Variants in RFX4 observed in about 807,000 individuals in gnomAD.
The protein encoded by RFX4 is transcription factor RFX4.
In RFX4, 10 loss-of-function variants were observed where a neutral mutation model predicts 95.0. The observed-to-expected ratio is 0.11, with a 90% confidence interval of 0.06 to 0.18. The LOEUF (loss-of-function observed/expected upper bound fraction) is 0.18, where lower values mean the gene tolerates loss of function less well. RFX4 is among the 10% of genes least tolerant of loss of function. RFX4 has a pLI of 1.00. For missense variants in RFX4, 640 were observed against 922.0 expected (o/e 0.69, Z 3.96); for synonymous variants, 321 against 340.7 (o/e 0.94, Z 0.64).
intron 8 of RFX4, among the ~76,000 whole-genome samples, chr12:106,701,812 G>C (rs967896915): frequency 6.6e-6 from 1 of 152,180 alleles, no homozygotes; most frequent in African/African-American, 2.4e-5. Context: ...AAGGCAGAAG[G>C]ATCACTTGAG....
rs189597793 is a variant in RFX4, at chr12:106,727,682, C to T, written c.1352-4448C>T. Among the ~76,000 whole-genome samples the T allele has an allele frequency of 5.4e-3, 819 of 151,914 alleles. 6 individuals carry two copies. The highest frequency in any genetic ancestry group is 0.019 in the African/African-American group (790 of 41,394). On this transcript the variant is annotated intron_variant, in intron 13 of 17. Coordinates refer to ENST00000392842, the MANE Select transcript of RFX4 (RefSeq NM_213594.3). ...TTGCCCAGGCTGGAGTGCAATGGCA[C>T]GACCTCAGCTCACTGCAACCTCCGC...
At chr12:106,743,434 A>G (rs1030856348) in intron 15 of RFX4, among the ~76,000 whole-genome samples, 3 of 152,162 alleles carry the variant, frequency 2.0e-5, no homozygotes, top group Non-Finnish European at 2.9e-5. Flanking sequence ...CCAAGCCAGT[A>G]GGTGTTAATC....
chr12:106,591,544 G>T (rs1417952635), intron 1 of RFX4, among the ~76,000 whole-genome samples: 1 of 152,144 alleles, frequency 6.6e-6, no homozygotes, highest in Non-Finnish European at 1.5e-5. Context: ...GGGATTACAG[G>T]CGTGAGCCAT....
At chr12:106,750,118 A>G (rs2042971412) in intron 16 of RFX4, among the ~76,000 whole-genome samples, 1 of 151,984 alleles carries the variant, frequency 6.6e-6, no homozygotes, top group Admixed American at 6.6e-5. Flanking sequence ...GTTGAGGGAG[A>G]AGGAAAATCA....
chr12:106,599,601 T>C (rs2039670541), intron 1 of RFX4, among the ~76,000 whole-genome samples: 1 of 152,094 alleles, frequency 6.6e-6, no homozygotes, highest in Admixed American at 6.6e-5. Context: ...TGATTGAGAC[T>C]CCAGCTGATG....
At chr12:106,681,860 C>A in intron 4 of RFX4, 133 bp from the exon 5 acceptor site, 2 of 847,146 alleles carry the variant, frequency 2.4e-6, no homozygotes, top group Non-Finnish European at 1.9e-6. Flanking sequence ...CCAGGGTCCT[C>A]ACAGACTCCT....
chr12:106,599,284 G>A (rs571099291), intron 1 of RFX4, among the ~76,000 whole-genome samples: 2 of 151,946 alleles, frequency 1.3e-5, no homozygotes, highest in South Asian at 4.2e-4. Context: ...GTGGGAAAGG[G>A]CAGCCACATT....
In RFX4 at chr12:106,720,079, C is replaced by A; in HGVS notation, c.1233+25C>A. 6.3e-7 allele frequency: 1 copy of A among 1,595,288 alleles called. No individual in the cohort carries two copies. The highest frequency in any genetic ancestry group is 8.6e-7 in the Non-Finnish European group (1 of 1,163,294). On this transcript the variant is annotated intron_variant, in intron 12 of 17. Coordinates refer to ENST00000392842, the MANE Select transcript of RFX4 (RefSeq NM_213594.3). This position sits in a 1 kb window ranked among gnomAD's most constrained non-coding sequence, Gnocchi z 4.2. ...GGTTGGTAAACCGGCACCTAGCGGGCAGCCTTGGGCCCTGCAGCCCACCAC... is the reference window on the plus strand; with the variant it reads ...GGTTGGTAAACCGGCACCTAGCGGGAAGCCTTGGGCCCTGCAGCCCACCAC...
Position 106,685,512 on chromosome 12 carries a change from C to T in RFX4, c.378-1372C>T, listed in dbSNP as rs149917354. 3.6e-3 allele frequency among the ~76,000 whole-genome samples: 548 copies of T among 152,260 alleles called. 3 individuals carry two copies. Among genetic ancestry groups the T allele is most frequent in the African/African-American group, 0.012 (516 of 41,550 alleles). On this transcript the variant is annotated intron_variant, in intron 5 of 17. Transcript: ENST00000392842. Reference sequence around the variant, plus strand: ...GTCAAGCACTCAGTACCAGAGATCTCAAACTGATGTGCTTTAGAATTACCC... The same window carrying T: ...GTCAAGCACTCAGTACCAGAGATCTTAAACTGATGTGCTTTAGAATTACCC...
chr12:106,613,552 T>G (rs940081828), intron 2 of RFX4, among the ~76,000 whole-genome samples: 10 of 151,930 alleles, frequency 6.6e-5, no homozygotes, highest in African/African-American at 2.4e-4. Flanking sequence ...TTAGTTGAGA[T>G]GGGGTTTCAC....
At chr12:106,592,597 C>T (rs1419041273) in intron 1 of RFX4, among the ~76,000 whole-genome samples, 1 of 152,144 alleles carries the variant, frequency 6.6e-6, no homozygotes, top group African/African-American at 2.4e-5. Context: ...TTTTTCATGC[C>T]TCTTCCTCTT....
Position 106,618,177 on chromosome 12 carries a change from C to A in RFX4, c.130+9294C>A, listed in dbSNP as rs147670946. ...AGATAACAGTTATGTGATTAACATA[C>A]GTTATAGATTATATACATATGTATA... On this transcript the variant is annotated intron_variant, in intron 2 of 17. Transcript: ENST00000392842. Among the ~76,000 whole-genome samples the A allele has an allele frequency of 6.2e-3, 941 of 151,682 alleles. 7 individuals are homozygous for A. Among genetic ancestry groups the A allele is most frequent in the African/African-American group, 0.021 (871 of 41,412 alleles).
intron 2 of RFX4, among the ~76,000 whole-genome samples, chr12:106,634,060 T>C (rs957971293): frequency 6.6e-6 from 1 of 152,252 alleles, no homozygotes; most frequent in Non-Finnish European, 1.5e-5. Flanking sequence ...GAAAGAACCC[T>C]GATAAAAGAT....
chr12:106,759,639 A>G (rs562440093), intron 17 of RFX4, among the ~76,000 whole-genome samples: 1 of 152,244 alleles, frequency 6.6e-6, no homozygotes, highest in South Asian at 2.1e-4. Context: ...CGCAGAGCAC[A>G]GGGGTATGCG....
intron 17 of RFX4, among the ~76,000 whole-genome samples, chr12:106,753,296 C>G (rs936815213): frequency 6.6e-6 from 1 of 152,138 alleles, no homozygotes; most frequent in African/African-American, 2.4e-5. Context: ...GGCTGGGTGT[C>G]TCTTCCCCAG....
intron 4 of RFX4, among the ~76,000 whole-genome samples, chr12:106,679,617 A>C (rs1227490572): frequency 6.6e-6 from 1 of 152,148 alleles, no homozygotes; most frequent in Non-Finnish European, 1.5e-5. Flanking sequence ...CTATTGTATT[A>C]TCTTCTTTGC....
intron 15 of RFX4, chr12:106,733,325 A>G (rs910636301): frequency 4.4e-5 from 17 of 388,626 alleles, no homozygotes; most frequent in Non-Finnish European, 7.3e-5. Context: ...TCTCAAAAAA[A>G]GAAAAACAGG....
At chr12:106,628,762 CTTT>C (rs397850563) in intron 2 of RFX4, among the ~76,000 whole-genome samples, 8 of 133,256 alleles carry the variant, frequency 6.0e-5, no homozygotes, top group Admixed American at 7.6e-5. Flanking sequence ...ATATATGTTC[CTTT>C]TTTTTTTTTT....
chr12:106,608,052 A>G (rs2137201256), intron 1 of RFX4, among the ~76,000 whole-genome samples: 2 of 152,174 alleles, frequency 1.3e-5, no homozygotes, highest in Non-Finnish European at 2.9e-5. Flanking sequence ...AATTAGCCGA[A>G]CTTGGTGGCG....
Sources: allele counts gnomAD v4.1 joint callset (sites outside exome capture counted in the v4.1 genomes callset), GRCh38; gene constraint gnomAD v4.1.1; non-coding constraint Gnocchi (gnomAD v3.1); transcripts MANE v1.5; gene names NCBI Gene and HGNC (gene_info 2026-07-23, HGNC 2026-07-21).